Variants in GCN1 observed in about 807,000 individuals in gnomAD.
GCN1 encodes the protein GCN1 activator of EIF2AK4, also known as stalled ribosome sensor GCN1.
GCN1 carries 90 observed loss-of-function variants against 288.4 expected under a neutral mutation model. The ratio of observed to expected loss-of-function variants is 0.31; its 90% CI spans 0.26 to 0.37. The LOEUF (loss-of-function observed/expected upper bound fraction) is 0.37. GCN1 is among the 10% of genes least tolerant of loss of function. GCN1 has a pLI of 1.00. For missense variants in GCN1, 2,586 were observed against 3,419.9 expected (o/e 0.76, Z 6.08); for synonymous variants, 1,386 against 1,420.2 (o/e 0.98, Z 0.54).
In GCN1 at chr12:120,161,553, G is replaced by A. The variant is rs745969478; in HGVS notation, c.2373C>T (p.Asn791=). 1 of 1,613,954 alleles carries A rather than the reference G, an allele frequency of 6.2e-7. No homozygotes were observed. The highest frequency in any genetic ancestry group is 1.7e-5 in the Admixed American group (1 of 60,026). The change falls in exon 22 of 58, where the codon AAC becomes AAT. Residue 791 remains asparagine, a synonymous_variant. Transcript: ENST00000300648. ...SAQQDSIKKA[N]MKRENKAYSF... ...AATAAGCTTTGTTCTCTCGCTTCAT[G>A]TTGGCCTTTTTTATGCTGTCCTGCT... is the stretch of plus-strand genomic sequence containing the variant.
rs776664896 is a variant in GCN1, at chr12:120,173,839, G to A, written c.1193-13C>T. Reference sequence around the variant, plus strand: ...GTCCCTTCATGAACTAGGGCAAAAAGCAGAAGTCCAGTCAGTCCAATGTCT... The same window carrying A: ...GTCCCTTCATGAACTAGGGCAAAAAACAGAAGTCCAGTCAGTCCAATGTCT... On this transcript the variant is annotated splice_polypyrimidine_tract_variant and intron_variant, in intron 13 of 57. Coordinates refer to ENST00000300648, the MANE Select transcript of GCN1 (RefSeq NM_006836.2). 21 of 1,610,440 alleles carry A rather than the reference G, an allele frequency of 1.3e-5. No homozygotes were observed. In the African/African-American group the frequency reaches 2.8e-4, roughly 22 times the overall value.
At chr12:120,161,636 T>A in intron 21 of GCN1, 53 bp from the exon 22 acceptor site, 1 of 1,334,356 alleles carries the variant, frequency 7.5e-7, no homozygotes, top group Admixed American at 1.7e-5. Context: ...GCAAGTCCTG[T>A]CAGCCTCCCG....
chr12:120,165,186 A>G (rs1878079489), intron 16 of GCN1, among the ~76,000 whole-genome samples: 1 of 151,970 alleles, frequency 6.6e-6, no homozygotes, highest in Non-Finnish European at 1.5e-5. Flanking sequence ...AGCTGGGACG[A>G]CAGGCACCCG....
At chr12:120,185,044 C>T (rs1219537319) in intron 2 of GCN1, among the ~76,000 whole-genome samples, 157 bp from the exon 3 acceptor site, 1 of 152,176 alleles carries the variant, frequency 6.6e-6, no homozygotes, top group Non-Finnish European at 1.5e-5. Context: ...CAAAACAGGA[C>T]TCTAGGAAAA....
At chr12:120,133,151 T>C (rs1041798467) in intron 53 of GCN1, among the ~76,000 whole-genome samples, 1 of 151,886 alleles carries the variant, frequency 6.6e-6, no homozygotes, top group Admixed American at 6.6e-5. Flanking sequence ...TTTGGAGCCA[T>C]GGGAAGTGCA....
Position 120,155,943 on chromosome 12 carries a change from A to G in GCN1, c.3313-224T>C, listed in dbSNP as rs1877732634. 6.6e-6 allele frequency among the ~76,000 whole-genome samples: 1 copy of G among 152,230 alleles called. No individual in the cohort carries two copies. The highest frequency in any genetic ancestry group is 1.5e-5 in the Non-Finnish European group (1 of 68,046). On this transcript the variant is annotated intron_variant, in intron 28 of 57. Transcript: ENST00000300648. The surrounding 1 kb of genome is among the most constrained non-coding windows in gnomAD (Gnocchi z 4.9). ...AAAACGTTAAATAAACCAGACAGAT[A>G]AAAACCTCAGAAAAAGCGTATTCCT...
chr12:120,138,866 C>T lies in GCN1; in HGVS notation c.5995-10G>A. ...CAGAGAAATACAGCACCTGCAATGG[C>T]AAGCTACAACTGTACCAGATGCAGG... is the stretch of plus-strand genomic sequence containing the variant. On this transcript the variant is annotated splice_polypyrimidine_tract_variant and intron_variant, in intron 45 of 57. Coordinates refer to ENST00000300648, the MANE Select transcript of GCN1 (RefSeq NM_006836.2). 6.2e-7 allele frequency: 1 copy of T among 1,600,812 alleles called. No homozygotes were observed. The highest frequency in any genetic ancestry group is 8.5e-7 in the Non-Finnish European group (1 of 1,170,982).
chr12:120,184,387 T>C (rs1260338667), intron 3 of GCN1, 144 bp from the exon 4 acceptor site: 2 of 707,642 alleles, frequency 2.8e-6, no homozygotes, highest in Non-Finnish European at 4.6e-6. Context: ...GATTAGGAAA[T>C]AACTAGATAA....
In GCN1 at chr12:120,178,735, A is replaced by T. The variant is rs763451853; in HGVS notation, c.550T>A (p.Leu184Met). The T allele has an allele frequency of 1.2e-6, 2 of 1,614,244 alleles. No homozygotes were observed. Among genetic ancestry groups the T allele is most frequent in the Admixed American group, 1.7e-5 (1 of 60,032 alleles). Residue 184 changes from leucine to methionine, a missense_variant, in exon 7 of 58, where the codon TTG (leucine) becomes ATG (methionine). This residue lies in a region of GCN1 where 913 missense variants were observed against 1,107.0 expected (regional missense o/e 0.82). Transcript: ENST00000300648. ...KENPGLVEQY[L>M]SAILSLEPNQ... is the part of the protein sequence containing the mutation. ...GGCTCTAGGCTGAGAATGGCTGACAAGTACTGTTCCACCAGCCCGGGGTTC... is the reference window on the plus strand; with the variant it reads ...GGCTCTAGGCTGAGAATGGCTGACATGTACTGTTCCACCAGCCCGGGGTTC...
Position 120,158,128 on chromosome 12 carries a change from AC to A in GCN1, c.2906-99del. On this transcript the variant is annotated intron_variant, in intron 25 of 57. Transcript: ENST00000300648. The surrounding 1 kb of genome is among the most constrained non-coding windows in gnomAD (Gnocchi z 4.3). The stretch of plus-strand genomic sequence containing the variant: ...CTCAGGGAAAGTAGGGAACGGATGG[AC>A]CAGAGGCCCGTTCTGACACCTGGAA... 1 of 1,208,782 alleles carries A rather than the reference AC, an allele frequency of 8.3e-7. No homozygotes were observed. Among genetic ancestry groups the A allele is most frequent in the Non-Finnish European group, 1.2e-6 (1 of 849,882 alleles). 74.9% of individuals were successfully genotyped at this position (1,208,782 alleles called of 1,614,324 possible). A position where few individuals can be genotyped will look rare whatever the true frequency, so the allele number is the denominator to read the frequency against.
rs182084142 is a variant in GCN1 at position 120,139,268 on chromosome 12, C to A, written c.5995-412G>T. On this transcript the variant is annotated intron_variant, in intron 45 of 57. Transcript: ENST00000300648. The stretch of plus-strand genomic sequence containing the variant: ...GAGGCTGTAGCCAAAAGAGATGGTG[C>A]CCCTGTACTCCTGCCTGGGCAGCAG... 6.7e-3 allele frequency among the ~76,000 whole-genome samples: 1,017 copies of A among 151,844 alleles called. 10 individuals are homozygous for A. Among genetic ancestry groups the A allele is most frequent in the African/African-American group, 0.023 (958 of 41,390 alleles).
chr12:120,169,371 C>T (rs1189116642), intron 15 of GCN1, among the ~76,000 whole-genome samples: 11 of 146,994 alleles, frequency 7.5e-5, no homozygotes, highest in Middle Eastern at 3.3e-3. Flanking sequence ...TTCTGATGTA[C>T]TGATTTGGAA....
At chr12:120,166,078 G>A (rs1010683225) in intron 16 of GCN1, among the ~76,000 whole-genome samples, 3 of 149,850 alleles carry the variant, frequency 2.0e-5, no homozygotes, top group Admixed American at 6.7e-5. Context: ...GTGAGCCACC[G>A]TGTCCGGCCC....
Position 120,144,223 on chromosome 12 carries a change from G to A in GCN1, c.5495+83C>T. On this transcript the variant is annotated intron_variant, in intron 42 of 57. Transcript: ENST00000300648. The surrounding 1 kb of genome is among the most constrained non-coding windows in gnomAD (Gnocchi z 4.7). ...ACTCCTGGGTTTAAGCAATCCTCCT[G>A]CCTCGGCTTTCCAGAGTGCTCGGAT... 1.4e-5 allele frequency: 20 copies of A among 1,478,318 alleles called. No individual in the cohort carries two copies. The highest frequency in any genetic ancestry group is 1.2e-4 in the African/African-American group (9 of 72,062). 91.6% of individuals were successfully genotyped at this position (1,478,318 alleles called of 1,614,324 possible).
At chr12:120,177,857 G>A in intron 7 of GCN1, 105 bp from the exon 8 acceptor site, 1 of 834,484 alleles carries the variant, frequency 1.2e-6, no homozygotes. Context: ...ACAAATCAAT[G>A]CCCCAAATTT....
At chr12:120,169,276 C>CAAAAAAAAAAAAAAAAAAAAAAA (rs35819206) in intron 15 of GCN1, among the ~76,000 whole-genome samples, 9 of 66,566 alleles carry the variant, frequency 1.4e-4, no homozygotes, top group South Asian at 5.4e-4. Flanking sequence ...AACTCCGTCT[C>CAAAAAAAAAAAAAAAAAAAAAAA]AAAAAAAAAA....
intron 14 of GCN1, among the ~76,000 whole-genome samples, chr12:120,173,025 A>C (rs17415494): frequency 1.3e-5 from 2 of 150,582 alleles, no homozygotes; most frequent in African/African-American, 4.9e-5. Flanking sequence ...TCCAGAGTAA[A>C]GTTTACACGA....
intron 16 of GCN1, among the ~76,000 whole-genome samples, chr12:120,165,636 T>G (rs1878098681): frequency 6.7e-6 from 1 of 148,428 alleles, no homozygotes; most frequent in African/African-American, 2.5e-5. Context: ...CCTGGCTAAT[T>G]TTTTTTTTTC....
chr12:120,177,234 A>G lies in GCN1; in HGVS notation c.838+213T>C, dbSNP rs539568523. 2.0e-5 allele frequency among the ~76,000 whole-genome samples: 3 copies of G among 152,218 alleles called. No individual in the cohort carries two copies. The South Asian group carries it at 6.2e-4, about 32-fold the overall frequency. On this transcript the variant is annotated intron_variant, in intron 9 of 57. Coordinates refer to ENST00000300648, the MANE Select transcript of GCN1 (RefSeq NM_006836.2). ...GTGATCTGCCCACTGCCGCCTCCCA[A>G]AGTGCTGGGATTACAGGTGTGAGCC...
Sources: gnomAD v4.1 joint callset for allele counts (sites outside exome capture counted in the v4.1 genomes callset) on GRCh38, gnomAD v4.1.1 for gene constraint, gnomAD v4.1.1 regional missense constraint, Gnocchi (gnomAD v3.1) non-coding constraint, MANE v1.5 for transcripts, NCBI Gene and HGNC (gene_info 2026-07-23, HGNC 2026-07-21) for gene names.